Variants in PDE1A observed in about 807,000 individuals in gnomAD.
The protein encoded by PDE1A is dual specificity calcium/calmodulin-dependent 3',5'-cyclic nucleotide phosphodiesterase 1A.
PDE1A carries 35 observed loss-of-function variants against 61.7 expected under a neutral mutation model. That is an observed-to-expected ratio of 0.57 (90% confidence interval 0.43 to 0.75). The LOEUF is 0.75. Ranked by LOEUF, PDE1A falls within the 30% of genes least tolerant of loss-of-function variation. The probability of loss-of-function intolerance (pLI) is 0.00; values close to 1 mark genes in which losing one functional copy is unlikely to be tolerated. For missense variants in PDE1A, 597 were observed against 630.6 expected, an observed-to-expected ratio of 0.95 and a Z score of 0.57; for synonymous variants, 232 against 213.2, an observed-to-expected ratio of 1.09 and a Z score of -0.77.
At chr2:182,633,476 A>G in the PDE1A span, among the ~76,000 whole-genome samples, 3 of 152,144 alleles carry the variant, frequency 2.0e-5, no homozygotes, top group African/African-American at 7.2e-5. Context: ...GTTATGTCCA[A>G]TTATCTGCAC....
the PDE1A span, among the ~76,000 whole-genome samples, chr2:182,551,828 A>G: frequency 6.6e-6 from 1 of 152,324 alleles, no homozygotes; most frequent in Non-Finnish European, 1.5e-5. Context: ...CCCTGCTAAA[A>G]AATCAAGGTA....
the PDE1A span, among the ~76,000 whole-genome samples, chr2:182,674,975 C>G: frequency 6.6e-6 from 1 of 151,932 alleles, no homozygotes; most frequent in Non-Finnish European, 1.5e-5. Context: ...TTATTTTAGG[C>G]TCAGAGGTAC....
intron 1 of PDE1A, among the ~76,000 whole-genome samples, chr2:182,287,638 G>C (rs1219379196): frequency 6.6e-6 from 1 of 152,086 alleles, no homozygotes; most frequent in Non-Finnish European, 1.5e-5. Flanking sequence ...AGCTGAAAAA[G>C]ACAAGACAAG....
chr2:182,156,301 C>T (rs570433662), intron 13 of PDE1A, among the ~76,000 whole-genome samples: 66 of 151,808 alleles, frequency 4.3e-4, no homozygotes, highest in African/African-American at 1.5e-3. Flanking sequence ...TACTGTGTAC[C>T]AAGCACTGTG....
rs942485088 is a variant in PDE1A at position 182,234,427 on chromosome 2, G to A, written c.417+5C>T. On this transcript the variant is annotated splice_donor_5th_base_variant and intron_variant, in intron 4 of 13. Coordinates refer to ENST00000351439, the Ensembl canonical transcript of PDE1A. ...TTATACACGAAAATAATGAAATTAT[G>A]TCACCTTTAATGTTACGATGACAGC... 6.3e-7 allele frequency: 1 copy of A among 1,580,564 alleles called. No homozygotes were observed. Among genetic ancestry groups the A allele is most frequent in the Non-Finnish European group, 8.6e-7 (1 of 1,157,498 alleles).
chr2:182,692,148 AT>A, the PDE1A span, among the ~76,000 whole-genome samples: 1 of 152,188 alleles, frequency 6.6e-6, no homozygotes, highest in Non-Finnish European at 1.5e-5. Context: ...TAGACATACA[AT>A]GTGACCCAGC....
chr2:182,692,532 G>C, the PDE1A span, among the ~76,000 whole-genome samples: 1 of 151,768 alleles, frequency 6.6e-6, no homozygotes, highest in African/African-American at 2.4e-5. Flanking sequence ...GGTGGGGGGA[G>C]TGGGTAGGGA....
At chr2:182,539,310 T>C in the PDE1A span, among the ~76,000 whole-genome samples, 1 of 152,286 alleles carries the variant, frequency 6.6e-6, no homozygotes, top group East Asian at 1.9e-4. Flanking sequence ...CCATCACAAA[T>C]CCTTGGGAGC....
intron 7 of PDE1A, among the ~76,000 whole-genome samples, chr2:182,220,309 A>G (rs1688611777): frequency 6.6e-6 from 1 of 152,072 alleles, no homozygotes; most frequent in South Asian, 2.1e-4. Context: ...AAGTTTGCTG[A>G]GATCATGGGG....
chr2:182,351,282 A>C (rs1698861478), intron 1 of PDE1A, among the ~76,000 whole-genome samples: 1 of 152,142 alleles, frequency 6.6e-6, no homozygotes, highest in South Asian at 2.1e-4. Flanking sequence ...CCATTTTTTA[A>C]ATAGATGTAA....
chr2:182,578,299 T>C, the PDE1A span, among the ~76,000 whole-genome samples: 2 of 152,188 alleles, frequency 1.3e-5, no homozygotes, highest in Admixed American at 6.5e-5. Flanking sequence ...CAAAGCAAAT[T>C]TAAGGGTCCT....
chr2:182,688,751 A>G, the PDE1A span, among the ~76,000 whole-genome samples: 1 of 152,222 alleles, frequency 6.6e-6, no homozygotes, highest in Non-Finnish European at 1.5e-5. Context: ...ATAAAGAGTC[A>G]AGACCCATCA....
intron 6 of PDE1A, among the ~76,000 whole-genome samples, chr2:182,224,181 T>G (rs1173728424): frequency 6.6e-6 from 1 of 151,938 alleles, no homozygotes; most frequent in Admixed American, 6.6e-5. Context: ...AAATTCAGAA[T>G]ATAATTGTCC....
At chr2:182,710,138 G>A in the PDE1A span, among the ~76,000 whole-genome samples, 97 of 152,110 alleles carry the variant, frequency 6.4e-4, no homozygotes, top group African/African-American at 2.2e-3. Context: ...CTTATGATCC[G>A]CCCACCTTGG....
intron 1 of PDE1A, among the ~76,000 whole-genome samples, chr2:182,358,372 C>G (rs925949677): frequency 2.0e-5 from 3 of 152,112 alleles, no homozygotes; most frequent in Admixed American, 1.3e-4. Flanking sequence ...TGCATACTTT[C>G]TAAATCTTTA....
the PDE1A span, among the ~76,000 whole-genome samples, chr2:182,634,192 G>A: frequency 6.6e-6 from 1 of 151,878 alleles, no homozygotes; most frequent in Non-Finnish European, 1.5e-5. Context: ...AAAATAAAAA[G>A]TATTATACAT....
chr2:182,426,004 C>T (rs915963902), intron 1 of PDE1A, among the ~76,000 whole-genome samples: 1 of 152,170 alleles, frequency 6.6e-6, no homozygotes, highest in Non-Finnish European at 1.5e-5. Context: ...AACTTTAGCT[C>T]AATCCATTAT....
intron 1 of PDE1A, among the ~76,000 whole-genome samples, chr2:182,316,119 G>C (rs1253787912): frequency 6.6e-6 from 1 of 152,138 alleles, no homozygotes; most frequent in South Asian, 2.1e-4. Context: ...ATGCATCCAG[G>C]AGTTGAAGAT....
At chr2:182,255,224 G>A (rs1196263319) in intron 2 of PDE1A, among the ~76,000 whole-genome samples, 1 of 152,134 alleles carries the variant, frequency 6.6e-6, no homozygotes, top group African/African-American at 2.4e-5. Flanking sequence ...TCAATATTTT[G>A]GCCATGAAAG....
Sources: gnomAD v4.1 joint callset for allele counts (sites outside exome capture counted in the v4.1 genomes callset) on GRCh38, gnomAD v4.1.1 for gene constraint, MANE v1.5 for transcripts, NCBI Gene and HGNC (gene_info 2026-07-23, HGNC 2026-07-21) for gene names.